The following PDZRN4 variants were observed in gnomAD, a reference collection of about 807,000 sequenced individuals.
PDZRN4 encodes the protein PDZ domain-containing RING finger protein 4.
In PDZRN4, 70 loss-of-function variants were observed where a neutral mutation model predicts 99.0. The observed-to-expected ratio is 0.71, with a 90% confidence interval of 0.58 to 0.86. The LOEUF is 0.86. Among genes scored for constraint, PDZRN4 ranks in the 40% least tolerant of loss-of-function variants. The pLI, the probability that PDZRN4 is intolerant of heterozygous loss-of-function variation, is 0.00. For synonymous variants in PDZRN4, 551 were observed against 501.6 expected (o/e 1.10, Z -1.32); for missense variants, 1,474 against 1,331.2 (o/e 1.11, Z -1.67).
chr12:41,247,491 G>A (rs1334181995), intron 3 of PDZRN4, among the ~76,000 whole-genome samples: 1 of 152,104 alleles, frequency 6.6e-6, no homozygotes, highest in Non-Finnish European at 1.5e-5. Context: ...TTTAACTTGG[G>A]GGGTTCCTTT....
At chr12:41,563,713 AT>A in intron 8 of PDZRN4, 64 bp downstream of exon 8, 1 of 1,053,468 alleles carries the variant, frequency 9.5e-7, no homozygotes, top group South Asian at 1.4e-5. Flanking sequence ...CTGAATGTAA[AT>A]TCGTGAATGA....
chr12:41,317,475 A>G (rs1426300848), intron 3 of PDZRN4, among the ~76,000 whole-genome samples: 1 of 152,076 alleles, frequency 6.6e-6, no homozygotes, highest in African/African-American at 2.4e-5. Context: ...AGCTCATCTA[A>G]AAAAATGCCT....
intron 3 of PDZRN4, among the ~76,000 whole-genome samples, chr12:41,339,144 G>GCT (rs1951797588): frequency 6.7e-6 from 1 of 148,390 alleles, no homozygotes; most frequent in Non-Finnish European, 1.5e-5. Flanking sequence ...AAAACAAAAT[G>GCT]GGAGGAATCA....
intron 3 of PDZRN4, among the ~76,000 whole-genome samples, chr12:41,236,584 C>T (rs1951068646): frequency 6.6e-6 from 1 of 152,062 alleles, no homozygotes; most frequent in East Asian, 1.9e-4. Flanking sequence ...GTTAGGAGGC[C>T]TTTTCAATAG....
At chr12:41,371,667 A>G (rs535395703) in intron 3 of PDZRN4, among the ~76,000 whole-genome samples, 1 of 152,222 alleles carries the variant, frequency 6.6e-6, no homozygotes, top group South Asian at 2.1e-4. Flanking sequence ...TATTTTTGCC[A>G]AATGTTTATT....
At chr12:41,230,370 G>T (rs1256902395) in intron 3 of PDZRN4, among the ~76,000 whole-genome samples, 2 of 151,980 alleles carry the variant, frequency 1.3e-5, no homozygotes, top group Admixed American at 1.3e-4. Context: ...GTTCAGGCAG[G>T]ATAACTGTAA....
intron 5 of PDZRN4, among the ~76,000 whole-genome samples, chr12:41,514,434 CAA>C (rs572258047): frequency 2.0e-5 from 3 of 151,966 alleles, no homozygotes; most frequent in African/African-American, 7.2e-5. Context: ...CAAAAAATAA[CAA>C]GAGGATAATT....
At chr12:41,551,127 A>C (rs1939046000) in intron 5 of PDZRN4, among the ~76,000 whole-genome samples, 1 of 152,176 alleles carries the variant, frequency 6.6e-6, no homozygotes, top group Admixed American at 6.5e-5. Context: ...GAGTTTAGGA[A>C]GTAGAAGATC....
At chr12:41,488,952 C>T (rs940070082) in intron 3 of PDZRN4, among the ~76,000 whole-genome samples, 1 of 152,096 alleles carries the variant, frequency 6.6e-6, no homozygotes, top group African/African-American at 2.4e-5. Flanking sequence ...GTGATCTCAC[C>T]CTCCGGGGCA....
intron 3 of PDZRN4, among the ~76,000 whole-genome samples, chr12:41,497,988 T>C (rs895953687): frequency 7.9e-5 from 12 of 152,010 alleles, no homozygotes; most frequent in African/African-American, 2.9e-4. Context: ...AACTTTTTTT[T>C]CAGTTTCAGA....
chr12:41,316,456 A>ATTG lies in PDZRN4; in HGVS notation c.843+122269_843+122270insTGT, dbSNP rs1491539067. On this transcript the variant is annotated intron_variant, in intron 3 of 9. Coordinates refer to ENST00000402685, the MANE Select transcript of PDZRN4 (RefSeq NM_001164595.2). ...TATGATTACTAGAGGAAAAAGGCAA[A>ATTG]TGTGTGTGTGTGTGTGTGTGTGTGT... Among the ~76,000 whole-genome samples, 3 of 144,532 alleles carry ATTG rather than the reference A, an allele frequency of 2.1e-5. No homozygotes were observed. In the East Asian group the frequency reaches 6.2e-4, roughly 30 times the overall value. 94.8% of individuals were successfully genotyped at this position (144,532 alleles called of 152,430 possible).
chr12:41,227,143 G>A, intron 3 of PDZRN4, among the ~76,000 whole-genome samples: 1 of 152,080 alleles, frequency 6.6e-6, no homozygotes. Flanking sequence ...CAGATAGTAA[G>A]TAAAATAAGC....
At chr12:41,228,226 T>C (rs1421535938) in intron 3 of PDZRN4, among the ~76,000 whole-genome samples, 2 of 152,164 alleles carry the variant, frequency 1.3e-5, no homozygotes, top group Non-Finnish European at 2.9e-5. Context: ...GTTTCTCCAA[T>C]CACTTGAACA....
chr12:41,488,329 C>T (rs765766505), intron 3 of PDZRN4, among the ~76,000 whole-genome samples: 5 of 152,062 alleles, frequency 3.3e-5, no homozygotes, highest in Non-Finnish European at 7.4e-5. Flanking sequence ...GCATTAGAGT[C>T]AAATGTTATA....
intron 3 of PDZRN4, among the ~76,000 whole-genome samples, chr12:41,298,711 T>C (rs1951511677): frequency 6.6e-6 from 1 of 152,076 alleles, no homozygotes; most frequent in Non-Finnish European, 1.5e-5. Context: ...TCCAATACCA[T>C]TAAATGAGCC....
At chr12:41,396,458 A>G (rs1243153167) in intron 3 of PDZRN4, among the ~76,000 whole-genome samples, 1 of 152,146 alleles carries the variant, frequency 6.6e-6, no homozygotes, top group Non-Finnish European at 1.5e-5. Flanking sequence ...CGGATATCAA[A>G]ATCAGTATTG....
At chr12:41,191,572 G>C (rs138929564) in intron 2 of PDZRN4, 28 bp downstream of exon 2, 2 of 982,594 alleles carry the variant, frequency 2.0e-6, no homozygotes, top group Non-Finnish European at 3.2e-6. Context: ...TGCATTACTC[G>C]TTACTTATAA....
chr12:41,415,733 T>C (rs1213226938), intron 3 of PDZRN4, among the ~76,000 whole-genome samples: 2 of 152,168 alleles, frequency 1.3e-5, no homozygotes, highest in Non-Finnish European at 2.9e-5. Flanking sequence ...TGCTTTGCCA[T>C]AGCAACCTTA....
intron 3 of PDZRN4, among the ~76,000 whole-genome samples, chr12:41,423,760 T>C (rs970510577): frequency 6.6e-6 from 1 of 152,182 alleles, no homozygotes; most frequent in African/African-American, 2.4e-5. Context: ...GAACAGTTAG[T>C]GATTGTAATC....
Sources: gnomAD v4.1 joint callset for allele counts (sites outside exome capture counted in the v4.1 genomes callset) on GRCh38, gnomAD v4.1.1 for gene constraint, MANE v1.5 for transcripts, NCBI Gene and HGNC (gene_info 2026-07-23, HGNC 2026-07-21) for gene names.